The following PDZD2 variants were observed in gnomAD, a reference collection of about 807,000 sequenced individuals.
PDZD2 encodes the protein PDZ domain-containing protein 2.
In PDZD2, 90 loss-of-function variants were observed where a neutral mutation model predicts 220.7. That is an observed-to-expected ratio of 0.41 (90% CI 0.34 to 0.49). The LOEUF is 0.49. Ranked by LOEUF, PDZD2 falls within the 20% of genes least tolerant of loss-of-function variation. The pLI is 0.28. For synonymous variants in PDZD2, 1,375 were observed against 1,450.5 expected (o/e 0.95, Z 1.18); for missense variants, 3,174 against 3,608.5 (o/e 0.88, Z 3.08).
rs75551718 is a variant in PDZD2 at position 32,089,955 on chromosome 5, C to T, written c.6507C>T (p.Ser2169=). Reference sequence around the variant, plus strand: ...CATTCAGCATGGCAAAACTGGCGTCCTCCTCCTCCTCCCTTCAAACAGCCA... The same window carrying T: ...CATTCAGCATGGCAAAACTGGCGTCTTCCTCCTCCTCCCTTCAAACAGCCA... The part of the protein sequence containing the change: ...SRSFSMAKLA[S]SSSSLQTAIR... The change falls in exon 20 of 25, where the codon TCC becomes TCT. Residue 2169 remains serine (S), a synonymous_variant. Transcript: ENST00000438447. 1 of 1,598,374 alleles carries T rather than the reference C, an allele frequency of 6.3e-7. No individual in the cohort carries two copies. Among genetic ancestry groups the T allele is most frequent in the Non-Finnish European group, 8.5e-7 (1 of 1,171,544 alleles).
At chr5:31,769,959 T>C (rs1752246072) in intron 1 of PDZD2, among the ~76,000 whole-genome samples, 1 of 152,226 alleles carries the variant, frequency 6.6e-6, no homozygotes, top group Admixed American at 6.5e-5. Context: ...GTGAAGTCTT[T>C]GTAACTCATC....
chr5:31,814,585 G>A (rs1216019916), intron 2 of PDZD2, among the ~76,000 whole-genome samples: 2 of 152,166 alleles, frequency 1.3e-5, no homozygotes, highest in African/African-American at 4.8e-5. Flanking sequence ...GACTTTGGGA[G>A]GCCAAGGCAG....
At chr5:31,768,783 C>T (rs774173865) in intron 1 of PDZD2, among the ~76,000 whole-genome samples, 3 of 152,090 alleles carry the variant, frequency 2.0e-5, no homozygotes, top group Non-Finnish European at 2.9e-5. Context: ...AGATTTCTAG[C>T]GGCACTGGAG....
In PDZD2 at chr5:31,684,525, T is replaced by G. The variant is rs1274844183; in HGVS notation, c.-361+45088T>G. On this transcript the variant is annotated intron_variant, in intron 1 of 24. Coordinates refer to ENST00000438447, the MANE Select transcript of PDZD2 (RefSeq NM_178140.4). ...GAAGTGCATTTCCAGAATATTCTTG[T>G]TGGTATAGAACCCTCTGTCTACATA... 2.0e-5 allele frequency among the ~76,000 whole-genome samples: 3 copies of G among 152,022 alleles called. No homozygotes were observed. In the East Asian group the frequency reaches 5.8e-4, roughly 29 times the overall value.
At chr5:31,761,964 C>T (rs6871202) in intron 1 of PDZD2, among the ~76,000 whole-genome samples, 65,744 of 151,686 alleles carry the variant, frequency 0.43, 15,194 homozygotes, top group Admixed American at 0.55. Context: ...ACAATTATGG[C>T]GGAGGGTGAA....
At chr5:32,043,373 G>A (rs1455889065) in intron 7 of PDZD2, among the ~76,000 whole-genome samples, 1 of 152,218 alleles carries the variant, frequency 6.6e-6, no homozygotes, top group African/African-American at 2.4e-5. Flanking sequence ...AGCAGAACAG[G>A]GTCGGTTCCC....
At chr5:31,757,202 C>T (rs753550671) in intron 1 of PDZD2, among the ~76,000 whole-genome samples, 1 of 152,168 alleles carries the variant, frequency 6.6e-6, no homozygotes, top group Non-Finnish European at 1.5e-5. Context: ...AGGAGGATTG[C>T]TTGAGCCCAG....
chr5:31,999,913 T>C (rs963519532), intron 4 of PDZD2, among the ~76,000 whole-genome samples: 3 of 152,160 alleles, frequency 2.0e-5, no homozygotes, highest in African/African-American at 7.2e-5. Flanking sequence ...GACCTTAATG[T>C]GCATATTGCT....
Position 31,995,920 on chromosome 5 carries a change from G to A in PDZD2, c.1121+202G>A, listed in dbSNP as rs1751590394. ...TGAGCACAGGAAGTGGCTAACTGCA[G>A]AAGATATTGCAAGATCTTCTAAAAC... On this transcript the variant is annotated intron_variant, in intron 4 of 24. Transcript: ENST00000438447. Among the ~76,000 whole-genome samples the A allele has an allele frequency of 2.0e-5, 3 of 152,216 alleles. No individual in the cohort carries two copies. The South Asian group carries it at 6.2e-4, about 32-fold the overall frequency.
chr5:31,787,004 T>C (rs537725349), intron 1 of PDZD2, among the ~76,000 whole-genome samples: 70 of 152,310 alleles, frequency 4.6e-4, no homozygotes, highest in African/African-American at 1.5e-3. Context: ...TCTGGTGTAA[T>C]TAAAGAATAT....
intron 2 of PDZD2, among the ~76,000 whole-genome samples, chr5:31,879,646 T>G (rs1035211160): frequency 2.6e-5 from 4 of 152,130 alleles, no homozygotes; most frequent in Non-Finnish European, 5.9e-5. Flanking sequence ...TTCTATTGCC[T>G]TGTCCTTCCT....
intron 1 of PDZD2, among the ~76,000 whole-genome samples, chr5:31,670,944 A>G (rs1746193123): frequency 1.3e-5 from 2 of 151,736 alleles, no homozygotes; most frequent in Admixed American, 1.3e-4. Context: ...AGACCCCTGG[A>G]CTCAGGGTTA....
intron 1 of PDZD2, among the ~76,000 whole-genome samples, chr5:31,645,855 C>T (rs1004313975): frequency 1.3e-5 from 2 of 152,084 alleles, no homozygotes; most frequent in African/African-American, 4.8e-5. Flanking sequence ...AGTCAATTCC[C>T]TGGCTGGGAC....
intron 2 of PDZD2, among the ~76,000 whole-genome samples, chr5:31,807,206 G>T (rs754216667): frequency 1.3e-5 from 2 of 152,152 alleles, no homozygotes; most frequent in Non-Finnish European, 2.9e-5. Context: ...AAAGTGCTGG[G>T]ATTACAGGCA....
rs1757890967 is a variant in PDZD2, at chr5:31,849,981, T to TATATATATATACACATATATATATATAC, written c.476+50259_476+50286dup. Among the ~76,000 whole-genome samples, 13 of 24,282 alleles carry TATATATATATACACATATATATATATAC rather than the reference T, an allele frequency of 5.4e-4. 1 individual carries two copies. The highest frequency in any genetic ancestry group is 9.2e-4 in the Admixed American group (2 of 2,166). The allele number at this position is 24,282 out of a possible 152,430, so 15.9% of individuals were successfully genotyped here. A position where few individuals can be genotyped will look rare whatever the true frequency, so the allele number is the denominator to read the frequency against. On this transcript the variant is annotated intron_variant, in intron 2 of 24. Coordinates refer to ENST00000438447, the MANE Select transcript of PDZD2 (RefSeq NM_178140.4). ...ATATATACACATATATATATATACA[T>TATATATATATACACATATATATATATAC]ATATATATATACACATATATATATA...
chr5:32,046,896 A>G (rs1738026542), intron 7 of PDZD2, among the ~76,000 whole-genome samples: 1 of 152,096 alleles, frequency 6.6e-6, no homozygotes, highest in East Asian at 1.9e-4. Flanking sequence ...TAAAAAAATT[A>G]GCTGGGCGTG....
Position 32,097,509 on chromosome 5 carries a change from A to G in PDZD2, c.7947+129A>G, listed in dbSNP as rs1179820797. On this transcript the variant is annotated intron_variant, in intron 22 of 24. Coordinates refer to ENST00000438447, the MANE Select transcript of PDZD2 (RefSeq NM_178140.4). Reference sequence around the variant, plus strand: ...TTTCATTCCCAGCTACCAACATAAAAAGGGAGAAGTGGGAGAAGTAGTACG... The same window carrying G: ...TTTCATTCCCAGCTACCAACATAAAGAGGGAGAAGTGGGAGAAGTAGTACG... 2.8e-5 allele frequency: 19 copies of G among 685,144 alleles called. No homozygotes were observed. In the East Asian group the frequency reaches 5.1e-4, roughly 18 times the overall value. The allele number at this position is 685,144 out of a possible 1,614,324, so 42.4% of individuals were successfully genotyped here. A position where few individuals can be genotyped will look rare whatever the true frequency, so the allele number is the denominator to read the frequency against.
intron 1 of PDZD2, among the ~76,000 whole-genome samples, chr5:31,741,454 A>G (rs1025544652): frequency 6.6e-5 from 10 of 152,018 alleles, no homozygotes; most frequent in Non-Finnish European, 2.9e-5. Flanking sequence ...TAGAACCTGA[A>G]GCCTGCAAGA....
At chr5:31,875,395 C>T (rs1247368772) in intron 2 of PDZD2, among the ~76,000 whole-genome samples, 1 of 151,914 alleles carries the variant, frequency 6.6e-6, no homozygotes, top group Non-Finnish European at 1.5e-5. Context: ...ACCAGCCTGG[C>T]CAACATGGCG....
Sources: allele counts gnomAD v4.1 joint callset (sites outside exome capture counted in the v4.1 genomes callset), GRCh38; gene constraint gnomAD v4.1.1; transcripts MANE v1.5; gene names NCBI Gene and HGNC (gene_info 2026-07-23, HGNC 2026-07-21).